Variants in AP4S1 observed in about 807,000 individuals in gnomAD.
AP4S1 encodes the protein adaptor related protein complex 4 subunit sigma 1.
Under a neutral mutation model 19.8 loss-of-function variants are expected in AP4S1, and 23 were observed. That is an observed-to-expected ratio of 1.16 (90% CI 0.84 to 1.65). The LOEUF (loss-of-function observed/expected upper bound fraction) is 1.65. Among genes scored for constraint, AP4S1 ranks in the 40% most tolerant of loss-of-function variants. The pLI is 0.00. For synonymous variants in AP4S1, 46 were observed against 54.1 expected (o/e 0.85, Z 0.66); for missense variants, 166 against 172.8 (o/e 0.96, Z 0.22).
chr14:31,076,327 C>A (rs1349565900), intron 4 of AP4S1, among the ~76,000 whole-genome samples: 1 of 152,150 alleles, frequency 6.6e-6, no homozygotes, highest in African/African-American at 2.4e-5. Context: ...TATTGTCTGT[C>A]TTTTATATGA....
chr14:31,058,940 C>G (rs941124260), intron 1 of AP4S1, among the ~76,000 whole-genome samples: 2 of 151,976 alleles, frequency 1.3e-5, no homozygotes, highest in Non-Finnish European at 2.9e-5. Flanking sequence ...CTGACCACTC[C>G]CAACACTTGT....
intron 4 of AP4S1, chr14:31,073,315 C>A (rs576185637): frequency 4.4e-5 from 10 of 229,262 alleles, no homozygotes; most frequent in South Asian, 3.9e-4. Context: ...ACGGTGAAAC[C>A]CCGTCTCTAC....
Position 31,093,234 on chromosome 14 carries a change from A to C in AP4S1, c.*199A>C, listed in dbSNP as rs957066409. On this transcript the variant is annotated 3_prime_UTR_variant, in exon 6 of 6. Transcript: ENST00000542754. Reference sequence around the variant, plus strand: ...ACTTTAAAATATGTACAAAGAAAAAAATTTCTTTAAACTGAGAGAGAAGTT... The same window carrying C: ...ACTTTAAAATATGTACAAAGAAAAACATTTCTTTAAACTGAGAGAGAAGTT... 1.6e-5 allele frequency: 7 copies of C among 448,454 alleles called. No homozygotes were observed. The highest frequency in any genetic ancestry group is 6.0e-4 in the Middle Eastern group (1 of 1,660). 27.8% of individuals were successfully genotyped at this position (448,454 alleles called of 1,614,324 possible). A position where few individuals can be genotyped will look rare whatever the true frequency, so the allele number is the denominator to read the frequency against.
intron 1 of AP4S1, among the ~76,000 whole-genome samples, chr14:31,035,336 A>AGG (rs1884673099): frequency 6.6e-6 from 1 of 151,196 alleles, no homozygotes; most frequent in Non-Finnish European, 1.5e-5. Context: ...CTGGGATTAC[A>AGG]AGCACACGCC....
At chr14:31,066,534 C>G (rs146628387) in intron 2 of AP4S1, among the ~76,000 whole-genome samples, 200 bp downstream of exon 2, 2 of 152,108 alleles carry the variant, frequency 1.3e-5, no homozygotes. Flanking sequence ...ACAAGGAAAA[C>G]CTGGAAGAAT....
chr14:31,035,652 T>C (rs199977659), intron 1 of AP4S1, among the ~76,000 whole-genome samples: 1 of 151,716 alleles, frequency 6.6e-6, no homozygotes, highest in African/African-American at 2.4e-5. Context: ...TTTTTTTTTT[T>C]TGATGTGCGT....
chr14:31,082,866 A>C (rs921771592), intron 5 of AP4S1, among the ~76,000 whole-genome samples: 1 of 151,520 alleles, frequency 6.6e-6, no homozygotes, highest in Non-Finnish European at 1.5e-5. Flanking sequence ...ACTGCACTCC[A>C]GCCTGGGCGA....
chr14:31,034,316 ATTATC>A (rs1407482355), intron 1 of AP4S1, among the ~76,000 whole-genome samples: 1 of 152,246 alleles, frequency 6.6e-6, no homozygotes, highest in Non-Finnish European at 1.5e-5. Context: ...GTACATGACA[ATTATC>A]TTAACAAAAA....
chr14:31,049,428 AATATATATATATATATATAT>A (rs1182207910), intron 1 of AP4S1, among the ~76,000 whole-genome samples: 3 of 57,768 alleles, frequency 5.2e-5, no homozygotes, highest in African/African-American at 1.6e-4. Context: ...AAAAAAAAAA[AATATATATATATATATATAT>A]ATATATATAT....
intron 5 of AP4S1, among the ~76,000 whole-genome samples, chr14:31,091,217 T>C (rs1294338484): frequency 6.6e-6 from 1 of 152,174 alleles, no homozygotes; most frequent in Non-Finnish European, 1.5e-5. Flanking sequence ...TAGATTTCCT[T>C]GTATCTCAAA....
At chr14:31,027,625 G>C (rs747684579) in intron 1 of AP4S1, among the ~76,000 whole-genome samples, 1 of 152,204 alleles carries the variant, frequency 6.6e-6, no homozygotes, top group Non-Finnish European at 1.5e-5. Flanking sequence ...TCGCACCACT[G>C]CACTCCAGCC....
At chr14:31,068,597 CTT>C (rs1360146655) in intron 2 of AP4S1, among the ~76,000 whole-genome samples, 20 of 152,374 alleles carry the variant, frequency 1.3e-4, no homozygotes, top group African/African-American at 4.8e-4. Flanking sequence ...CTGTTTGAAT[CTT>C]TCTGCAGAAT....
In AP4S1 at chr14:31,084,961, C is replaced by T. The variant is rs141134249; in HGVS notation, c.306+4377C>T. On this transcript the variant is annotated intron_variant, in intron 5 of 5. Transcript: ENST00000542754. ...CTCTTCAAATCAGTGCGTACCTGCT[C>T]TACGCGTGAAGGTACAGAAAACCTC... is the stretch of plus-strand genomic sequence containing the variant. 9.8e-4 allele frequency: 1,564 copies of T among 1,603,486 alleles called. 15 individuals carry two copies. The African/African-American group carries it at 0.018, about 18-fold the overall frequency.
chr14:31,051,955 C>T (rs958434930), intron 1 of AP4S1, among the ~76,000 whole-genome samples: 2 of 152,140 alleles, frequency 1.3e-5, no homozygotes, highest in African/African-American at 4.8e-5. Context: ...GCCACGATGC[C>T]CGGTCCATAT....
At position 31,025,799 on chromosome 14, in the gene AP4S1, T is replaced by G; in HGVS notation, c.-72+12T>G. 6.7e-7 allele frequency: 1 copy of G among 1,481,700 alleles called. No individual in the cohort carries two copies. Among genetic ancestry groups the G allele is most frequent in the East Asian group, 2.5e-5 (1 of 40,210 alleles). 91.8% of individuals were successfully genotyped at this position (1,481,700 alleles called of 1,614,324 possible). A position where few individuals can be genotyped will look rare whatever the true frequency, so the allele number is the denominator to read the frequency against. On this transcript the variant is annotated intron_variant, in intron 1 of 5. Coordinates refer to ENST00000542754, the MANE Select transcript of AP4S1 (RefSeq NM_001128126.3). The stretch of plus-strand genomic sequence containing the variant: ...CCTGAGCAGCACAGGTAGGTTCCGC[T>G]CGGCCTCCCAAGGCGCCGGCTCCGG...
chr14:31,076,559 A>T (rs183499547), intron 4 of AP4S1, among the ~76,000 whole-genome samples: 3 of 152,216 alleles, frequency 2.0e-5, no homozygotes, highest in Non-Finnish European at 2.9e-5. Flanking sequence ...TATTCTGAAT[A>T]CAAGTCCCTT....
At chr14:31,037,173 C>T (rs1426422878) in intron 1 of AP4S1, among the ~76,000 whole-genome samples, 1 of 152,020 alleles carries the variant, frequency 6.6e-6, no homozygotes, top group Non-Finnish European at 1.5e-5. Flanking sequence ...CACATGCACA[C>T]ACACACGCAC....
At chr14:31,029,182 T>C (rs916326981) in intron 1 of AP4S1, among the ~76,000 whole-genome samples, 2 of 152,194 alleles carry the variant, frequency 1.3e-5, no homozygotes, top group African/African-American at 2.4e-5. Flanking sequence ...GTGGATTCTA[T>C]TGTCTCTCTT....
intron 2 of AP4S1, among the ~76,000 whole-genome samples, chr14:31,067,269 T>G (rs1461551632): frequency 6.6e-6 from 1 of 152,000 alleles, no homozygotes; most frequent in African/African-American, 2.4e-5. Context: ...TTTTTTTAAT[T>G]TAATAGTTTT....
Sources: gnomAD v4.1 joint callset for allele counts (sites outside exome capture counted in the v4.1 genomes callset) on GRCh38, gnomAD v4.1.1 for gene constraint, MANE v1.5 for transcripts, NCBI Gene and HGNC (gene_info 2026-07-23, HGNC 2026-07-21) for gene names.